Variants in TENM2 observed in about 807,000 individuals in gnomAD.
The protein encoded by TENM2 is teneurin transmembrane protein 2.
In TENM2, 52 loss-of-function variants were observed where a neutral mutation model predicts 245.2. The observed-to-expected ratio is 0.21, with a 90% CI of 0.17 to 0.27. The LOEUF (loss-of-function observed/expected upper bound fraction) is 0.27. Among genes scored for constraint, TENM2 ranks in the 10% least tolerant of loss-of-function variants. The pLI, the probability that TENM2 is intolerant of heterozygous loss-of-function variation, is 1.00. For synonymous variants in TENM2, 1,363 were observed against 1,438.9 expected, an observed-to-expected ratio of 0.95 and a Z score of 1.19; for missense variants, 3,046 against 3,666.8, an observed-to-expected ratio of 0.83 and a Z score of 4.37.
At chr5:167,528,319 T>C (rs937193401) in intron 2 of TENM2, among the ~76,000 whole-genome samples, 3 of 152,116 alleles carry the variant, frequency 2.0e-5, no homozygotes, top group Admixed American at 2.0e-4. Flanking sequence ...AATATTTGGC[T>C]AAATATTCTA....
In TENM2 at chr5:167,845,426, A is replaced by C. The variant is rs1420084837; in HGVS notation, c.503-30560A>C. Among the ~76,000 whole-genome samples, 10 of 152,170 alleles carry C rather than the reference A, an allele frequency of 6.6e-5. 1 individual carries two copies. Among genetic ancestry groups the C allele is most frequent in the South Asian group, 6.2e-4 (3 of 4,826 alleles). ...CCAAGACCTGTTCTTAATCACCTTC[A>C]TTAATGTCGCAGCTCAGAACAATGC... On this transcript the variant is annotated intron_variant, in intron 2 of 28. Coordinates refer to ENST00000518659, the Ensembl canonical transcript of TENM2.
intron 1 of TENM2, among the ~76,000 whole-genome samples, chr5:167,360,416 G>C (rs763254147): frequency 1.3e-5 from 2 of 152,172 alleles, no homozygotes; most frequent in African/African-American, 4.8e-5. Context: ...GTTAATGGAT[G>C]TACTAGTGAA....
chr5:168,126,906 C>T lies in TENM2; in HGVS notation c.2362C>T (p.Arg788Ter), dbSNP rs992782123. 6.2e-7 allele frequency: 1 copy of T among 1,608,772 alleles called. No individual in the cohort carries two copies. The highest frequency in any genetic ancestry group is 8.5e-7 in the Non-Finnish European group (1 of 1,177,626). ...CTGTAAAGATGGCAAATGTGAATGCCGAGAGGGCTGGAATGGTGAACACTG... is the reference window on the plus strand; with the variant it reads ...CTGTAAAGATGGCAAATGTGAATGCTGAGAGGGCTGGAATGGTGAACACTG... Residue 788 changes from arginine (R) to a stop codon, truncating the protein, a stop_gained, in exon 12 of 29, where the codon CGA (arginine) becomes TGA (stop). Coordinates refer to ENST00000518659, the Ensembl canonical transcript of TENM2. LOFTEE classifies it high-confidence loss of function.
At chr5:168,219,801 T>C (rs1057308006) in intron 23 of TENM2, among the ~76,000 whole-genome samples, 1 of 115,848 alleles carries the variant, frequency 8.6e-6, no homozygotes, top group African/African-American at 3.5e-5. Context: ...AGAATGTAGT[T>C]AAGTTAGGGA....
At chr5:167,131,483 A>G in the TENM2 span, among the ~76,000 whole-genome samples, 4 of 152,086 alleles carry the variant, frequency 2.6e-5, no homozygotes, top group African/African-American at 9.7e-5. Context: ...CTCAGATTCC[A>G]CTGGGACACC....
At chr5:167,719,503 A>G (rs1464680367) in intron 2 of TENM2, among the ~76,000 whole-genome samples, 1 of 152,236 alleles carries the variant, frequency 6.6e-6, no homozygotes, top group Non-Finnish European at 1.5e-5. Context: ...ATGTGTTTCT[A>G]AGGAGGTAAA....
intron 1 of TENM2, among the ~76,000 whole-genome samples, chr5:167,362,568 C>T (rs930704964): frequency 2.0e-5 from 3 of 152,086 alleles, no homozygotes; most frequent in Admixed American, 1.3e-4. Flanking sequence ...AAAGTGTTTT[C>T]AAAACATCAA....
At chr5:168,135,646 A>C (rs1475480066) in intron 12 of TENM2, among the ~76,000 whole-genome samples, 1 of 152,222 alleles carries the variant, frequency 6.6e-6, no homozygotes, top group Admixed American at 6.5e-5. Flanking sequence ...TTTCATCATA[A>C]ACAGTCTCAG....
chr5:167,436,529 A>G (rs1764564249), intron 2 of TENM2, among the ~76,000 whole-genome samples: 1 of 152,210 alleles, frequency 6.6e-6, no homozygotes, highest in Admixed American at 6.5e-5. Context: ...CTGAGAAGAA[A>G]TTCAAGCTGG....
rs1250940898 is a variant in TENM2 at position 167,350,982 on chromosome 5, GGATATATATAT to G, written c.227-24214_227-24204del. 7.7e-5 allele frequency among the ~76,000 whole-genome samples: 5 copies of G among 65,288 alleles called. 1 individual carries two copies. Among genetic ancestry groups the G allele is most frequent in the Non-Finnish European group, 1.6e-4 (5 of 30,836 alleles). The allele number at this position is 65,288 out of a possible 152,430, so 42.8% of individuals were successfully genotyped here. On this transcript the variant is annotated intron_variant, in intron 1 of 28. Transcript: ENST00000518659. ...ATATATATATGGGGTATATACATAT[GGATATATATAT>G]GGATTATATACATATGGATATATAT... is the stretch of plus-strand genomic sequence containing the variant.
intron 2 of TENM2, among the ~76,000 whole-genome samples, chr5:167,532,478 C>T (rs1343701492): frequency 3.3e-5 from 5 of 151,988 alleles, no homozygotes; most frequent in East Asian, 3.9e-4. Flanking sequence ...TCACGTCTTA[C>T]GTGGATGGCA....
intron 2 of TENM2, among the ~76,000 whole-genome samples, chr5:167,465,697 G>A (rs755733044): frequency 2.6e-5 from 4 of 152,184 alleles, no homozygotes; most frequent in Admixed American, 6.5e-5. Flanking sequence ...CGGGCTTGGT[G>A]GCGGGCGCCT....
chr5:167,412,923 G>A (rs1762983630), intron 2 of TENM2, among the ~76,000 whole-genome samples: 1 of 150,542 alleles, frequency 6.6e-6, no homozygotes, highest in South Asian at 2.1e-4. Flanking sequence ...AAATACAGCA[G>A]AGGGACTGAA....
chr5:167,045,738 A>C, the TENM2 span, among the ~76,000 whole-genome samples: 2 of 152,190 alleles, frequency 1.3e-5, no homozygotes, highest in Non-Finnish European at 2.9e-5. Flanking sequence ...GAGGCAGAGG[A>C]TGTATTCCAG....
intron 2 of TENM2, among the ~76,000 whole-genome samples, chr5:167,564,945 A>G (rs1199569982): frequency 6.6e-6 from 1 of 152,236 alleles, no homozygotes; most frequent in Non-Finnish European, 1.5e-5. Context: ...AGAGAGAACT[A>G]TACAAGACTG....
chr5:167,179,720 T>C, the TENM2 span, among the ~76,000 whole-genome samples: 1 of 152,116 alleles, frequency 6.6e-6, no homozygotes, highest in Non-Finnish European at 1.5e-5. Flanking sequence ...AATTCAGAGA[T>C]AGATTCACCA....
intron 1 of TENM2, among the ~76,000 whole-genome samples, chr5:167,317,695 A>G (rs1299660592): frequency 6.6e-6 from 1 of 152,160 alleles, no homozygotes; most frequent in Non-Finnish European, 1.5e-5. Context: ...AGAAGCTGAA[A>G]CCACAGGTAA....
At chr5:167,801,696 G>C (rs771142682) in intron 2 of TENM2, among the ~76,000 whole-genome samples, 1 of 152,148 alleles carries the variant, frequency 6.6e-6, no homozygotes, top group Non-Finnish European at 1.5e-5. Context: ...TATGCCTCCT[G>C]AGAGATGGCC....
In TENM2 at chr5:167,604,095, T is replaced by C. The variant is rs574533623; in HGVS notation, c.502+228622T>C. Among the ~76,000 whole-genome samples, 193 of 151,952 alleles carry C rather than the reference T, an allele frequency of 1.3e-3. 1 individual carries two copies. Among genetic ancestry groups the C allele is most frequent in the African/African-American group, 4.5e-3 (185 of 41,454 alleles). On this transcript the variant is annotated intron_variant, in intron 2 of 28. Transcript: ENST00000518659. ...TGTTTCTGATTTTCTTAAAATTAAC[T>C]AAATTTAAAAAGATAAAAAGAGGTA...
Sources: gnomAD v4.1 joint callset for allele counts (sites outside exome capture counted in the v4.1 genomes callset) on GRCh38, gnomAD v4.1.1 for gene constraint, MANE v1.5 for transcripts, NCBI Gene and HGNC (gene_info 2026-07-23, HGNC 2026-07-21) for gene names.